TCERG1: variants seen among roughly 807,000 people sequenced by gnomAD.
TCERG1 encodes the protein transcription elongation regulator 1, also known as TATA box binding protein (TBP)-associated factor, RNA polymerase II, S, 150kD.
In TCERG1, 37 loss-of-function variants were observed where a neutral mutation model predicts 144.7. The ratio of observed to expected loss-of-function variants is 0.26; its 90% CI spans 0.20 to 0.34. The LOEUF (loss-of-function observed/expected upper bound fraction) is 0.34, where lower values mean the gene tolerates loss of function less well. TCERG1 is among the 10% of genes least tolerant of loss of function. The pLI, the probability that TCERG1 is intolerant of heterozygous loss-of-function variation, is 1.00. For missense variants in TCERG1, 1,027 were observed against 1,380.7 expected (o/e 0.74, Z 4.06); for synonymous variants, 492 against 458.2 (o/e 1.07, Z -0.94).
Position 146,503,647 on chromosome 5 carries a change from T to A in TCERG1, c.2598+108T>A, listed in dbSNP as rs1202014783. ...TTCTATTGGGGGTTTGGATTTTTTC[T>A]TGTTAGTATTCTTAACATAAGAGTC... On this transcript the variant is annotated intron_variant, in intron 18 of 22. Transcript: ENST00000679501. 4.2e-6 allele frequency: 6 copies of A among 1,425,800 alleles called. No homozygotes were observed. The East Asian group carries it at 7.0e-5, about 17-fold the overall frequency. The allele number at this position is 1,425,800 out of a possible 1,614,324, so 88.3% of individuals were successfully genotyped here.
At chr5:146,480,127 T>C (rs772695500) in intron 12 of TCERG1, 33 bp downstream of exon 12, 2 of 1,499,764 alleles carry the variant, frequency 1.3e-6, no homozygotes, top group Non-Finnish European at 1.8e-6. Context: ...TTGAGGTAGA[T>C]TATATCTTTT....
intron 16 of TCERG1, among the ~76,000 whole-genome samples, chr5:146,495,673 T>C (rs1766827274): frequency 6.6e-6 from 1 of 152,228 alleles, no homozygotes; most frequent in Non-Finnish European, 1.5e-5. Context: ...CTTCAGTTGA[T>C]GTTTTAAGTT....
In TCERG1 at chr5:146,511,709, A is replaced by G. The variant is rs1044245225; in HGVS notation, c.*1067A>G. 2 of 152,342 alleles carry G rather than the reference A, an allele frequency of 1.3e-5. No individual in the cohort carries two copies. Among genetic ancestry groups the G allele is most frequent in the African/African-American group, 2.4e-5 (1 of 41,446 alleles). The allele number at this position is 152,342 out of a possible 1,614,324, so 9.4% of individuals were successfully genotyped here. ...TTGTAGAGAATCATTTTGGTGCTCA[A>G]GTCTCTTAGCAGTGCCTTATTGCCT... On this transcript the variant is annotated 3_prime_UTR_variant, in exon 23 of 23. Coordinates refer to ENST00000679501, the MANE Select transcript of TCERG1 (RefSeq NM_001382548.1).
chr5:146,497,086 G>T (rs1241820951), intron 16 of TCERG1, among the ~76,000 whole-genome samples: 2 of 151,878 alleles, frequency 1.3e-5, no homozygotes, highest in Admixed American at 6.6e-5. Context: ...GGCCATGCTG[G>T]TCTTGGAACT....
chr5:146,491,496 G>A (rs985752922), intron 15 of TCERG1, among the ~76,000 whole-genome samples: 2 of 152,096 alleles, frequency 1.3e-5, no homozygotes, highest in Non-Finnish European at 1.5e-5. Flanking sequence ...ACATGCTGTA[G>A]GGTGAGTTAG....
chr5:146,490,764 G>A (rs1442901551), intron 15 of TCERG1, among the ~76,000 whole-genome samples: 1 of 152,008 alleles, frequency 6.6e-6, no homozygotes, highest in Non-Finnish European at 1.5e-5. Flanking sequence ...TTCATTCTGG[G>A]ACAGAATTTG....
chr5:146,466,054 A>G (rs149722706), intron 5 of TCERG1, among the ~76,000 whole-genome samples: 55 of 152,096 alleles, frequency 3.6e-4, no homozygotes, highest in African/African-American at 1.2e-3. Context: ...ATTAGCATCA[A>G]ATATTAGTTT....
In TCERG1 at chr5:146,459,211, G is replaced by A. The variant is rs928458208; in HGVS notation, c.766G>A (p.Val256Ile). ...CCAGGCACAAGTGCAAGCACAAGCA[G>A]TTGGAGCTTCCACCCCTACGACCAG... Reference protein sequence around the residue: ...QVQAQVQAQAVGASTPTTSSP... With the variant: ...QVQAQVQAQAIGASTPTTSSP... The change falls in exon 4 of 23, where the codon GTT (valine) becomes ATT (isoleucine). Residue 256 changes from valine to isoleucine, a missense_variant. Transcript: ENST00000679501. 1.9e-6 allele frequency: 3 copies of A among 1,614,262 alleles called. No homozygotes were observed. The highest frequency in any genetic ancestry group is 2.5e-6 in the Non-Finnish European group (3 of 1,180,044).
chr5:146,496,234 C>G (rs898605519), intron 16 of TCERG1, among the ~76,000 whole-genome samples: 10 of 152,106 alleles, frequency 6.6e-5, no homozygotes, highest in African/African-American at 2.4e-4. Context: ...AAGCCTCATC[C>G]TTTTATTTAA....
In TCERG1 at chr5:146,463,585, T is replaced by A. The variant is rs193054459; in HGVS notation, c.927T>A (p.Ala309=). The A allele has an allele frequency of 1.2e-6, 2 of 1,614,246 alleles. No individual in the cohort carries two copies. The highest frequency in any genetic ancestry group is 3.3e-5 in the Admixed American group (2 of 60,028). Residue 309 remains alanine (A), a synonymous_variant, in exon 5 of 23, where the codon GCT becomes GCA. Coordinates refer to ENST00000679501, the MANE Select transcript of TCERG1 (RefSeq NM_001382548.1). ...CACAAGATCAGACCCCAAGTTCTGC[T>A]GTTTCAGTTGCCACGCCTACAGTTA... ...PTTQDQTPSS[A]VSVATPTVSV... is the part of the protein sequence containing the mutation.
chr5:146,498,994 A>C (rs529520456), intron 17 of TCERG1, among the ~76,000 whole-genome samples: 1 of 152,284 alleles, frequency 6.6e-6, no homozygotes, highest in East Asian at 1.9e-4. Flanking sequence ...TAAGATTTCA[A>C]GATTCTTTAT....
intron 9 of TCERG1, among the ~76,000 whole-genome samples, chr5:146,472,701 TTG>T (rs59508893): frequency 7.3e-4 from 106 of 146,008 alleles, no homozygotes; most frequent in African/African-American, 1.9e-3. Context: ...ACCTCTCACT[TTG>T]TGTGTGTGTG....
intron 9 of TCERG1, among the ~76,000 whole-genome samples, chr5:146,474,035 T>C (rs532900338): frequency 1.0e-3 from 91 of 89,276 alleles, no homozygotes; most frequent in African/African-American, 3.7e-3. Flanking sequence ...ATAGCTGCCA[T>C]AGATTGTGAT....
chr5:146,487,948 A>G (rs999990417), intron 15 of TCERG1, among the ~76,000 whole-genome samples: 3 of 152,128 alleles, frequency 2.0e-5, no homozygotes, highest in African/African-American at 4.8e-5. Context: ...ATTAATCCAT[A>G]TATCTATAGG....
intron 10 of TCERG1, 103 bp downstream of exon 10, chr5:146,478,756 A>G (rs1765073704): frequency 7.2e-6 from 9 of 1,250,496 alleles, no homozygotes; most frequent in Admixed American, 3.3e-5. Context: ...TTCAAAGAAT[A>G]TAAGAAGCAT....
chr5:146,479,442 T>C lies in TCERG1; in HGVS notation c.1763-413T>C, dbSNP rs1003295393. On this transcript the variant is annotated intron_variant, in intron 10 of 22. Transcript: ENST00000679501. ...AAGGTACTAGGCTCACCTTCAGCAA[T>C]ACTTGTTTTATAGGTATGATAATAA... Among the ~76,000 whole-genome samples the C allele has an allele frequency of 3.3e-5, 5 of 152,320 alleles. No individual in the cohort carries two copies. In the East Asian group the frequency reaches 7.7e-4, roughly 23 times the overall value.
chr5:146,496,636 C>A (rs1225576142), intron 16 of TCERG1, among the ~76,000 whole-genome samples: 1 of 151,924 alleles, frequency 6.6e-6, no homozygotes, highest in Non-Finnish European at 1.5e-5. Flanking sequence ...ATTCTTTGAA[C>A]CTGTTTTTCT....
At chr5:146,478,736 C>A (rs1436018141) in intron 10 of TCERG1, 83 bp downstream of exon 10, 6 of 1,357,752 alleles carry the variant, frequency 4.4e-6, no homozygotes, top group Non-Finnish European at 5.8e-6. Flanking sequence ...CATTTAGAAA[C>A]CCTTTATTTT....
intron 1 of TCERG1, 140 bp downstream of exon 1, chr5:146,447,548 A>C: frequency 2.7e-6 from 3 of 1,091,014 alleles, no homozygotes; most frequent in Non-Finnish European, 3.9e-6. Context: ...GGGGTTTAAG[A>C]AGGGGGAAGG....
Sources: allele counts gnomAD v4.1 joint callset (sites outside exome capture counted in the v4.1 genomes callset), GRCh38; gene constraint gnomAD v4.1.1; transcripts MANE v1.5; gene names NCBI Gene and HGNC (gene_info 2026-07-23, HGNC 2026-07-21).